Variants in ACOT9 observed in about 807,000 individuals in gnomAD.
ACOT9 encodes acyl-coenzyme A thioesterase 9, mitochondrial.
A neutral mutation model predicts 39.7 loss-of-function variants in ACOT9; 34 were observed. That is an observed-to-expected ratio of 0.86 (90% CI 0.65 to 1.14). The LOEUF is 1.14. ACOT9 is among the 50% of genes most tolerant of loss of function. ACOT9 has a pLI of 0.00. For missense variants in ACOT9, 313 were observed against 344.1 expected (o/e 0.91, Z 0.71); for synonymous variants, 110 against 120.5 (o/e 0.91, Z 0.57).
At chrX:23,740,001 G>T (rs1390844689) in intron 1 of ACOT9, among the ~76,000 whole-genome samples, 1 of 111,182 alleles carries the variant, frequency 9.0e-6, no homozygotes, top group Non-Finnish European at 1.9e-5. Flanking sequence ...GCACAACAAA[G>T]GCATAATTGG....
intron 7 of ACOT9, 51 bp downstream of exon 7, chrX:23,722,619 T>C (rs1209378939): frequency 1.1e-6 from 1 of 901,058 alleles, no homozygotes; most frequent in South Asian, 2.3e-5. Context: ...CTCAATAATA[T>C]CTTGAAATTA....
chrX:23,708,283 CT>C (rs1381653090), intron 9 of ACOT9, among the ~76,000 whole-genome samples: 1 of 111,802 alleles, frequency 8.9e-6, no homozygotes, highest in East Asian at 2.8e-4. Context: ...AATCCCAGCA[CT>C]TTGAGAGGCC....
At chrX:23,708,049 T>C (rs1928761182) in intron 9 of ACOT9, 105 bp from the exon 10 acceptor site, 2 of 716,251 alleles carry the variant, frequency 2.8e-6, no homozygotes, top group Non-Finnish European at 4.1e-6. Flanking sequence ...CTTTTCATTT[T>C]GGGTAGTGCT....
At chrX:23,727,772 G>A (rs1190885020) in intron 6 of ACOT9, among the ~76,000 whole-genome samples, 1 of 107,430 alleles carries the variant, frequency 9.3e-6, no homozygotes, top group African/African-American at 3.4e-5. Flanking sequence ...GCCGAGGCAG[G>A]CAGATCACCT....
At position 23,734,340 on chromosome X, in the gene ACOT9, C is replaced by G. The variant is rs371948388; in HGVS notation, c.145+1G>C. The G allele has an allele frequency of 8.4e-7, 1 of 1,194,535 alleles. No individual in the cohort carries two copies. Among genetic ancestry groups the G allele is most frequent in the African/African-American group, 1.8e-5 (1 of 56,801 alleles). ...AAGCTGATACTAATTACCACACACA[C>G]CATGATTCACATGTATAGATGAACA... On this transcript the variant is annotated splice_donor_variant, in intron 3 of 15. Transcript: ENST00000379303. LOFTEE classifies it high-confidence loss of function.
chrX:23,716,971 C>T (rs1929106135), intron 8 of ACOT9, among the ~76,000 whole-genome samples: 1 of 111,776 alleles, frequency 8.9e-6, no homozygotes, highest in Non-Finnish European at 1.9e-5. Flanking sequence ...TCTTCTGCCT[C>T]AGCCTCCGCA....
intron 9 of ACOT9, among the ~76,000 whole-genome samples, chrX:23,709,414 T>C (rs1033707555): frequency 9.0e-6 from 1 of 111,406 alleles, no homozygotes; most frequent in Non-Finnish European, 1.9e-5. Context: ...AACAAAAGAA[T>C]TGAAACAACA....
intron 8 of ACOT9, among the ~76,000 whole-genome samples, chrX:23,715,295 A>C (rs1201492946): frequency 1.8e-5 from 2 of 111,583 alleles, no homozygotes; most frequent in East Asian, 5.6e-4. Flanking sequence ...GGGATAGAAC[A>C]GGCTGTTGAC....
At chrX:23,709,435 G>A (rs978329691) in intron 9 of ACOT9, among the ~76,000 whole-genome samples, 18 of 112,053 alleles carry the variant, frequency 1.6e-4, no homozygotes, top group Non-Finnish European at 3.0e-4. Flanking sequence ...GCTTGGGAAA[G>A]TGACATGCAT....
intron 12 of ACOT9, 41 bp downstream of exon 12, chrX:23,705,727 C>T (rs376741794): frequency 1.0e-5 from 12 of 1,148,906 alleles, no homozygotes; most frequent in Non-Finnish European, 1.4e-5. Context: ...ATATCATGAA[C>T]GGAAGCTATC....
chrX:23,735,883 C>T, intron 2 of ACOT9, 36 bp downstream of exon 2: 1 of 1,152,271 alleles, frequency 8.7e-7, no homozygotes. Context: ...CAAGGTTTTT[C>T]ACCACATAGG....
chrX:23,712,021 A>G (rs912001635), intron 9 of ACOT9, among the ~76,000 whole-genome samples: 3 of 111,822 alleles, frequency 2.7e-5, no homozygotes, highest in Non-Finnish European at 3.8e-5. Flanking sequence ...GACACTATTT[A>G]GAACAAATGA....
At chrX:23,724,765 C>CT (rs1407938274) in intron 6 of ACOT9, among the ~76,000 whole-genome samples, 1 of 108,473 alleles carries the variant, frequency 9.2e-6, no homozygotes, top group East Asian at 2.9e-4. Flanking sequence ...GAGCAAGACC[C>CT]TATTCCAAAA....
Position 23,701,145 on chromosome X carries a change from T to C in ACOT9, c.*2749A>G. ...AGCTTCACTGTACAGCAACAAATGGTTAAATATATAATGTATAATCTATAC... is the reference window on the plus strand; with the variant it reads ...AGCTTCACTGTACAGCAACAAATGGCTAAATATATAATGTATAATCTATAC... On this transcript the variant is annotated 3_prime_UTR_variant, in exon 16 of 16. Transcript: ENST00000379303. Among the ~76,000 whole-genome samples, 1 of 111,677 alleles carries C rather than the reference T, an allele frequency of 9.0e-6. No homozygotes were observed. The highest frequency in any genetic ancestry group is 2.8e-4 in the East Asian group (1 of 3,583).
In ACOT9 at chrX:23,703,819, A is replaced by T; in HGVS notation, c.*75T>A. The T allele has an allele frequency of 1.2e-6, 1 of 864,854 alleles. No individual in the cohort carries two copies. Among genetic ancestry groups the T allele is most frequent in the Non-Finnish European group, 1.7e-6 (1 of 589,224 alleles). The allele number at this position is 864,854 out of a possible 1,213,427, so 71.3% of individuals were successfully genotyped here. ...AGGACACGAAGCAATACTAAAATCA[A>T]TACACTCGATCAGGTCTTCATCAGA... On this transcript the variant is annotated 3_prime_UTR_variant, in exon 16 of 16. Coordinates refer to ENST00000379303, the MANE Select transcript of ACOT9 (RefSeq NM_001037171.2).
Position 23,740,008 on chromosome X carries a change from T to C in ACOT9, c.20+3117A>G, listed in dbSNP as rs554965171. 8.1e-5 allele frequency among the ~76,000 whole-genome samples: 9 copies of C among 111,685 alleles called. No individual in the cohort carries two copies. The South Asian group carries it at 3.0e-3, about 37-fold the overall frequency. On this transcript the variant is annotated intron_variant, in intron 1 of 15. Coordinates refer to ENST00000379303, the MANE Select transcript of ACOT9 (RefSeq NM_001037171.2). ...TTCCTGTGGCACAACAAAGGCATAA[T>C]TGGAACACTTTTTAAAAAAATGTTG...
chrX:23,721,009 G>T (rs1044973119), intron 8 of ACOT9, among the ~76,000 whole-genome samples: 1 of 111,627 alleles, frequency 9.0e-6, no homozygotes, highest in African/African-American at 3.3e-5. Flanking sequence ...AGGCTAAGGT[G>T]GGAGGACCAC....
intron 9 of ACOT9, among the ~76,000 whole-genome samples, chrX:23,709,535 G>T (rs763815946): frequency 8.9e-6 from 1 of 112,457 alleles, no homozygotes; most frequent in African/African-American, 3.2e-5. Context: ...GCTGGGGCTG[G>T]CAGGAAGGGC....
intron 1 of ACOT9, among the ~76,000 whole-genome samples, chrX:23,736,355 C>T (rs752898204): frequency 8.9e-6 from 1 of 112,460 alleles, no homozygotes; most frequent in East Asian, 2.7e-4. Context: ...ACTGAGCAAA[C>T]TCATTATGAA....
Sources: gnomAD v4.1 joint callset for allele counts (sites outside exome capture counted in the v4.1 genomes callset) on GRCh38, gnomAD v4.1.1 for gene constraint, MANE v1.5 for transcripts, NCBI Gene and HGNC (gene_info 2026-07-23, HGNC 2026-07-21) for gene names.